Variants in CAST observed in about 807,000 individuals in gnomAD.
CAST encodes MIR583 host.
Under a neutral mutation model 119.6 loss-of-function variants are expected in CAST, and 76 were observed. That is an observed-to-expected ratio of 0.64 (90% confidence interval 0.53 to 0.77). The LOEUF is 0.77. CAST is among the 30% of genes least tolerant of loss of function. CAST has a pLI of 0.00. For missense variants in CAST, 953 were observed against 946.5 expected, an observed-to-expected ratio of 1.01 and a Z score of -0.09; for synonymous variants, 319 against 331.6, an observed-to-expected ratio of 0.96 and a Z score of 0.41.
the CAST span, among the ~76,000 whole-genome samples, chr5:96,242,934 A>T: frequency 2.0e-5 from 3 of 152,314 alleles, no homozygotes; most frequent in East Asian, 5.8e-4. Context: ...GAAATCATTG[A>T]GGTTTCTTCA....
rs1050469116 is a variant in CAST, at chr5:96,684,719, C to T, written c.138+9118C>T. Among the ~76,000 whole-genome samples the T allele has an allele frequency of 4.6e-5, 7 of 151,990 alleles. No homozygotes were observed. The South Asian group carries it at 6.2e-4, about 14-fold the overall frequency. On this transcript the variant is annotated intron_variant, in intron 2 of 31. Transcript: ENST00000675179. ...CTGGGACTACAGGTGTATGCCACCA[C>T]GCCCAAATAACTTTTTTAAAAAATA...
chr5:96,251,848 A>G, the CAST span, among the ~76,000 whole-genome samples: 1 of 152,158 alleles, frequency 6.6e-6, no homozygotes, highest in Non-Finnish European at 1.5e-5. Context: ...TAGTTAACGA[A>G]TGGTCTCAGC....
At chr5:96,703,209 G>T (rs1754228194) in intron 3 of CAST, among the ~76,000 whole-genome samples, 1 of 150,830 alleles carries the variant, frequency 6.6e-6, no homozygotes, top group Non-Finnish European at 1.5e-5. Flanking sequence ...GATTTGTGTG[G>T]CCCGGTACAA....
At chr5:96,770,642 G>A in intron 30 of CAST, 40 bp downstream of exon 30, 1 of 1,270,028 alleles carries the variant, frequency 7.9e-7, no homozygotes, top group Non-Finnish European at 1.2e-6. Context: ...TAGTTTAGCA[G>A]TTACACAGAG....
At chr5:96,663,270 G>A (rs932167404) in intron 1 of CAST, 28 of 700,382 alleles carry the variant, frequency 4.0e-5, no homozygotes, top group Non-Finnish European at 6.3e-5. Flanking sequence ...CGTTGTCCGG[G>A]GTTTGGCGGG....
chr5:96,225,838 A>G, the CAST span, among the ~76,000 whole-genome samples: 2 of 152,226 alleles, frequency 1.3e-5, no homozygotes, highest in Admixed American at 6.5e-5. Flanking sequence ...GAGCTGTTCT[A>G]TAATACAAAT....
intron 1 of CAST, among the ~76,000 whole-genome samples, chr5:96,624,570 A>G (rs1747684905): frequency 6.6e-6 from 1 of 152,202 alleles, no homozygotes; most frequent in African/African-American, 2.4e-5. Context: ...TGCCCCACAA[A>G]AATAATATTT....
chr5:96,226,344 A>G, the CAST span, among the ~76,000 whole-genome samples: 2 of 152,136 alleles, frequency 1.3e-5, no homozygotes, highest in Admixed American at 6.5e-5. Flanking sequence ...GGAGAAGGCA[A>G]ATGGAGCATA....
chr5:96,568,286 C>T (rs1036868047), intron 1 of CAST, among the ~76,000 whole-genome samples: 9 of 152,062 alleles, frequency 5.9e-5, no homozygotes, highest in Middle Eastern at 3.4e-3. Context: ...GTCAGAAGGC[C>T]GGACACGGTG....
chr5:96,346,162 A>T, the CAST span, among the ~76,000 whole-genome samples: 1 of 152,244 alleles, frequency 6.6e-6, no homozygotes, highest in East Asian at 1.9e-4. Context: ...CTAAAACATG[A>T]TGGTTGATTG....
At chr5:96,065,487 C>A in the CAST span, among the ~76,000 whole-genome samples, 1 of 151,760 alleles carries the variant, frequency 6.6e-6, no homozygotes, top group Non-Finnish European at 1.5e-5. Flanking sequence ...AACTTATTCT[C>A]TATACTGTGT....
chr5:96,493,017 AC>A, the CAST span, among the ~76,000 whole-genome samples: 2 of 152,228 alleles, frequency 1.3e-5, no homozygotes, highest in South Asian at 4.1e-4. Context: ...ACAAAAAAAT[AC>A]TTTAAAAGGT....
the CAST span, among the ~76,000 whole-genome samples, chr5:96,288,044 A>T: frequency 2.0e-5 from 3 of 152,146 alleles, no homozygotes; most frequent in Non-Finnish European, 4.4e-5. Context: ...TTCACTTTTT[A>T]AAAAGCTGTT....
chr5:96,194,729 CTTAT>C, the CAST span, among the ~76,000 whole-genome samples: 1 of 152,088 alleles, frequency 6.6e-6, no homozygotes, highest in South Asian at 2.1e-4. Flanking sequence ...CCATAATGTT[CTTAT>C]TTATTTTTCT....
chr5:96,273,184 A>C, the CAST span, among the ~76,000 whole-genome samples: 1 of 152,322 alleles, frequency 6.6e-6, no homozygotes, highest in East Asian at 1.9e-4. Context: ...GATAAACTTG[A>C]TGTAAATAAA....
chr5:96,588,893 A>C lies in CAST; in HGVS notation c.60+59013A>C, dbSNP rs748465713. Among the ~76,000 whole-genome samples the C allele has an allele frequency of 3.3e-5, 5 of 152,234 alleles. No homozygotes were observed. The East Asian group carries it at 9.6e-4, about 29-fold the overall frequency. On this transcript the variant is annotated intron_variant, in intron 1 of 11. Transcript: ENST00000505143. ...CATTTTTTAGTTCTGCTTAGGAAGA[A>C]GACTGCCATATATTGGTACTGGAAT...
intron 1 of CAST, among the ~76,000 whole-genome samples, chr5:96,613,240 G>A (rs1237138362): frequency 6.6e-5 from 10 of 152,112 alleles, no homozygotes; most frequent in Admixed American, 6.5e-4. Flanking sequence ...TCCAGTTGAG[G>A]TTATAATTTG....
chr5:95,974,533 C>A, the CAST span, among the ~76,000 whole-genome samples: 1 of 152,160 alleles, frequency 6.6e-6, no homozygotes, highest in African/African-American at 2.4e-5. Context: ...TAATAGTTTT[C>A]GAAGCTTTCT....
intron 1 of CAST, among the ~76,000 whole-genome samples, chr5:96,625,155 T>A (rs1313854758): frequency 6.6e-6 from 1 of 152,186 alleles, no homozygotes; most frequent in Non-Finnish European, 1.5e-5. Context: ...CAAAGATCAT[T>A]TTTTTCATGA....
Sources: gnomAD v4.1 joint callset for allele counts (sites outside exome capture counted in the v4.1 genomes callset) on GRCh38, gnomAD v4.1.1 for gene constraint, MANE v1.5 for transcripts, NCBI Gene and HGNC (gene_info 2026-07-23, HGNC 2026-07-21) for gene names.